Variants in TMEM266 observed in about 807,000 individuals in gnomAD.
TMEM266 encodes the protein Hv1 related protein 1.
In TMEM266, 33 loss-of-function variants were observed where a neutral mutation model predicts 50.5. The observed-to-expected ratio is 0.65, with a 90% CI of 0.50 to 0.87. TMEM266 has a LOEUF of 0.87. Among genes scored for constraint, TMEM266 ranks in the 40% least tolerant of loss-of-function variants. The pLI is 0.00. For missense variants in TMEM266, 655 were observed against 695.1 expected (o/e 0.94, Z 0.65); for synonymous variants, 310 against 292.3 (o/e 1.06, Z -0.62).
intron 7 of TMEM266, among the ~76,000 whole-genome samples, chr15:76,172,022 G>A (rs1304636041): frequency 6.6e-6 from 1 of 152,152 alleles, no homozygotes; most frequent in African/African-American, 2.4e-5. Context: ...GGGTGTCCTT[G>A]GTCCCTGAGG....
At chr15:76,154,153 A>C (rs149539079) in intron 3 of TMEM266, among the ~76,000 whole-genome samples, 3 of 152,358 alleles carry the variant, frequency 2.0e-5, no homozygotes, top group Admixed American at 2.0e-4. Context: ...CCAAATAAGA[A>C]TACACGATTC....
intron 1 of TMEM266, among the ~76,000 whole-genome samples, chr15:76,091,251 G>GA (rs1470348007): frequency 1.3e-5 from 2 of 151,986 alleles, no homozygotes; most frequent in Non-Finnish European, 2.9e-5. Context: ...TAATTTTACT[G>GA]AAAAAAATTA....
At chr15:76,193,073 C>T (rs779165701) in intron 9 of TMEM266, among the ~76,000 whole-genome samples, 2 of 152,248 alleles carry the variant, frequency 1.3e-5, no homozygotes, top group Non-Finnish European at 2.9e-5. Context: ...TCTGCCACTC[C>T]TCAGCTCCAT....
chr15:76,191,502 G>GT, intron 8 of TMEM266: 1 of 153,632 alleles, frequency 6.5e-6, no homozygotes. Context: ...CAGACCAGCG[G>GT]GCAGTGACGC....
chr15:76,105,585 C>T (rs1596107523), intron 1 of TMEM266, among the ~76,000 whole-genome samples: 1 of 152,332 alleles, frequency 6.6e-6, no homozygotes, highest in East Asian at 1.9e-4. Flanking sequence ...AGCAGTCTGA[C>T]AGTATATAAA....
intron 1 of TMEM266, among the ~76,000 whole-genome samples, chr15:76,075,837 CTTTTTTTTTTTTTT>C (rs71140194): frequency 1.3e-3 from 31 of 23,594 alleles, no homozygotes; most frequent in East Asian, 2.3e-3. Context: ...GAGAAGGCAG[CTTTTTTTTTTTTTT>C]TTTTTTTTTT....
chr15:76,091,636 G>A (rs2036849746), intron 1 of TMEM266, among the ~76,000 whole-genome samples: 1 of 151,928 alleles, frequency 6.6e-6, no homozygotes, highest in African/African-American at 2.4e-5. Context: ...ATTTATTTCT[G>A]CTTCCTGTTT....
Position 76,160,332 on chromosome 15 carries a change from A to T in TMEM266, c.456+164A>T, listed in dbSNP as rs540915220. ...TAGATAGATGATCTCTGCGGGGGGA[A>T]GTGGTACAGGGAGCCCAACCCAGCC... is the stretch of plus-strand genomic sequence containing the variant. On this transcript the variant is annotated intron_variant, in intron 5 of 10. Coordinates refer to ENST00000388942, the MANE Select transcript of TMEM266 (RefSeq NM_152335.3). This position sits in a 1 kb window ranked among gnomAD's most constrained non-coding sequence, Gnocchi z 5.7. 1.3e-5 allele frequency among the ~76,000 whole-genome samples: 2 copies of T among 152,274 alleles called. No homozygotes were observed. The highest frequency in any genetic ancestry group is 1.9e-4 in the East Asian group (1 of 5,186).
At chr15:76,067,554 A>G (rs1003322725) in intron 1 of TMEM266, among the ~76,000 whole-genome samples, 17 of 148,502 alleles carry the variant, frequency 1.1e-4, no homozygotes, top group African/African-American at 4.2e-4. Context: ...AATCACTTGA[A>G]CCCTGGAGGC....
In TMEM266 at chr15:76,163,737, G is replaced by A. The variant is rs185881393; in HGVS notation, c.456+3569G>A. On this transcript the variant is annotated intron_variant, in intron 5 of 10. Transcript: ENST00000388942. ...CAGTGCAGGCTGTGGGGTGTTGGTC[G>A]CATCCCTGGGGTCTGGAAAGGCCCA... Among the ~76,000 whole-genome samples the A allele has an allele frequency of 8.5e-5, 13 of 152,232 alleles. No individual in the cohort carries two copies. The East Asian group carries it at 2.1e-3, about 25-fold the overall frequency.
chr15:76,196,749 C>T (rs933108241), intron 9 of TMEM266, among the ~76,000 whole-genome samples: 18 of 152,168 alleles, frequency 1.2e-4, no homozygotes, highest in African/African-American at 4.8e-5. Flanking sequence ...CAGCCCCAGC[C>T]GTGAGGAGGA....
rs8033173 is a variant in TMEM266, at chr15:76,104,155, C to T, written c.-96-30013C>T. On this transcript the variant is annotated intron_variant, in intron 1 of 10. Coordinates refer to ENST00000388942, the MANE Select transcript of TMEM266 (RefSeq NM_152335.3). Reference sequence around the variant, plus strand: ...CCAGGAGGCAGAGCTTACAGTGAGCCGAGATCACGCCACTGCACTCCAGCC... The same window carrying T: ...CCAGGAGGCAGAGCTTACAGTGAGCTGAGATCACGCCACTGCACTCCAGCC... Among the ~76,000 whole-genome samples, 9 of 150,778 alleles carry T rather than the reference C, an allele frequency of 6.0e-5. No homozygotes were observed. In the South Asian group the frequency reaches 6.3e-4, roughly 11 times the overall value.
intron 1 of TMEM266, among the ~76,000 whole-genome samples, chr15:76,121,396 A>T (rs1306921425): frequency 6.6e-6 from 1 of 152,086 alleles, no homozygotes; most frequent in Non-Finnish European, 1.5e-5. Context: ...GGCTTAACAA[A>T]ACAAGCCTTT....
At chr15:76,132,075 A>G (rs749363531) in intron 1 of TMEM266, among the ~76,000 whole-genome samples, 1 of 151,580 alleles carries the variant, frequency 6.6e-6, no homozygotes, top group Non-Finnish European at 1.5e-5. Context: ...GTACTGTAGC[A>G]CTGGTTGATA....
chr15:76,106,543 G>A (rs947002517), intron 1 of TMEM266, among the ~76,000 whole-genome samples: 7 of 152,024 alleles, frequency 4.6e-5, no homozygotes, highest in Non-Finnish European at 1.0e-4. Context: ...GAACTCAAGC[G>A]ATCCTCCTGC....
chr15:76,118,550 C>T (rs2037288516), intron 1 of TMEM266, among the ~76,000 whole-genome samples: 1 of 152,208 alleles, frequency 6.6e-6, no homozygotes, highest in African/African-American at 2.4e-5. Context: ...CAGAGCGAGA[C>T]TCTGTCTCAA....
At chr15:76,182,003 A>T (rs2038417142) in intron 8 of TMEM266, among the ~76,000 whole-genome samples, 2 of 152,134 alleles carry the variant, frequency 1.3e-5, no homozygotes, top group African/African-American at 4.8e-5. Flanking sequence ...CCCTGAGATC[A>T]TTGGCAAAAT....
intron 5 of TMEM266, 125 bp from the exon 6 acceptor site, chr15:76,169,691 A>T: frequency 9.4e-7 from 1 of 1,067,628 alleles, no homozygotes; most frequent in Non-Finnish European, 1.4e-6. Context: ...AGGAATGCTT[A>T]GTGGATGGCG....
intron 8 of TMEM266, chr15:76,181,458 G>A (rs181843668): frequency 3.9e-5 from 6 of 152,384 alleles, no homozygotes; most frequent in Admixed American, 2.6e-4. Context: ...GCCTTCTGCA[G>A]TCCCTTCCAG....
Sources: gnomAD v4.1 joint callset for allele counts (sites outside exome capture counted in the v4.1 genomes callset) on GRCh38, gnomAD v4.1.1 for gene constraint, Gnocchi (gnomAD v3.1) non-coding constraint, MANE v1.5 for transcripts, NCBI Gene and HGNC (gene_info 2026-07-23, HGNC 2026-07-21) for gene names.